The following TBC1D4 variants were observed in gnomAD, a reference collection of about 807,000 sequenced individuals.
TBC1D4 encodes the protein TBC1 domain family member 4, also known as TBC (Tre-2, BUB2, CDC16) domain-containing protein.
TBC1D4 carries 121 observed loss-of-function variants against 142.5 expected under a neutral mutation model. That is an observed-to-expected ratio of 0.85 (90% CI 0.73 to 0.99). The LOEUF is 0.99. TBC1D4 is among the 50% of genes least tolerant of loss of function. The probability of loss-of-function intolerance (pLI) is 0.00; values close to 1 mark genes in which losing one functional copy is unlikely to be tolerated. For missense variants in TBC1D4, 1,475 were observed against 1,606.6 expected, an observed-to-expected ratio of 0.92 and a Z score of 1.40; for synonymous variants, 630 against 628.2, an observed-to-expected ratio of 1.00 and a Z score of -0.04.
At chr13:75,375,644 T>C (rs1883454852) in intron 1 of TBC1D4, 1 of 152,156 alleles carries the variant, frequency 6.6e-6, no homozygotes, top group African/African-American at 2.4e-5. Context: ...CTATCTTGTT[T>C]CTCTGTCTTG....
In TBC1D4 at chr13:75,286,771, G is replaced by C. The variant is rs771612958; in HGVS notation, c.*21C>G. The C allele has an allele frequency of 2.5e-6, 4 of 1,608,778 alleles. No homozygotes were observed. Among genetic ancestry groups the C allele is most frequent in the Non-Finnish European group, 3.4e-6 (4 of 1,176,500 alleles). ...TGTAGTATTCTAAGGAGCACTTTCT[G>C]CTGAGGCCGTGCCTCTTCAATTATG... is the stretch of plus-strand genomic sequence containing the variant. On this transcript the variant is annotated 3_prime_UTR_variant, in exon 21 of 21. Transcript: ENST00000377636.
At chr13:75,454,711 T>C (rs1031861412) in intron 1 of TBC1D4, among the ~76,000 whole-genome samples, 3 of 152,222 alleles carry the variant, frequency 2.0e-5, no homozygotes, top group African/African-American at 7.2e-5. Context: ...GATTTTGGCA[T>C]GTTAGTACAG....
At chr13:75,431,089 G>A (rs1156875404) in intron 1 of TBC1D4, among the ~76,000 whole-genome samples, 1 of 152,132 alleles carries the variant, frequency 6.6e-6, no homozygotes, top group Non-Finnish European at 1.5e-5. Context: ...AGGGAAATGA[G>A]GCATCAATGG....
intron 17 of TBC1D4, among the ~76,000 whole-genome samples, chr13:75,295,429 ATTTC>A (rs1326036888): frequency 6.6e-6 from 1 of 152,176 alleles, no homozygotes; most frequent in African/African-American, 2.4e-5. Context: ...GCAGAAGCTT[ATTTC>A]TATTTACTGA....
At chr13:75,466,026 A>G (rs1253480025) in intron 1 of TBC1D4, among the ~76,000 whole-genome samples, 1 of 152,198 alleles carries the variant, frequency 6.6e-6, no homozygotes, top group Non-Finnish European at 1.5e-5. Flanking sequence ...ATGTCTCCCT[A>G]AAACCAAGTT....
chr13:75,381,473 T>C (rs1883843557), intron 1 of TBC1D4, among the ~76,000 whole-genome samples: 1 of 152,254 alleles, frequency 6.6e-6, no homozygotes, highest in Non-Finnish European at 1.5e-5. Context: ...ATTTCTTGTG[T>C]ATGCTTAAAA....
intron 14 of TBC1D4, among the ~76,000 whole-genome samples, chr13:75,309,203 T>C (rs1374921784): frequency 6.6e-6 from 1 of 152,152 alleles, no homozygotes; most frequent in Middle Eastern, 3.2e-3. Flanking sequence ...TTGGATTTCT[T>C]AGCATCTCCT....
At chr13:75,399,956 G>A (rs1884999977) in intron 1 of TBC1D4, among the ~76,000 whole-genome samples, 1 of 152,044 alleles carries the variant, frequency 6.6e-6, no homozygotes, top group Non-Finnish European at 1.5e-5. Flanking sequence ...ACCAAAAGGA[G>A]AGCCATTCCC....
intron 3 of TBC1D4, among the ~76,000 whole-genome samples, chr13:75,357,674 C>G (rs188301205): frequency 6.6e-6 from 1 of 152,110 alleles, no homozygotes; most frequent in African/African-American, 2.4e-5. Context: ...GCAAACAGTC[C>G]GACAGATTTT....
At chr13:75,371,977 T>G (rs1054970341) in intron 1 of TBC1D4, among the ~76,000 whole-genome samples, 2 of 152,212 alleles carry the variant, frequency 1.3e-5, no homozygotes, top group East Asian at 3.8e-4. Context: ...TCCTTAGATA[T>G]GGATATTTCT....
intron 13 of TBC1D4, among the ~76,000 whole-genome samples, chr13:75,310,452 C>T (rs577052644): frequency 1.3e-5 from 2 of 152,234 alleles, no homozygotes; most frequent in East Asian, 1.9e-4. Context: ...TCCAACACTT[C>T]TGCAATTTAC....
chr13:75,340,075 T>C (rs1333010617), intron 7 of TBC1D4, among the ~76,000 whole-genome samples: 1 of 152,250 alleles, frequency 6.6e-6, no homozygotes, highest in Admixed American at 6.5e-5. Context: ...TCTATTGATC[T>C]GTTTGCATTC....
intron 19 of TBC1D4, among the ~76,000 whole-genome samples, chr13:75,289,764 C>G (rs1875084110): frequency 6.6e-6 from 1 of 152,112 alleles, no homozygotes; most frequent in Non-Finnish European, 1.5e-5. Context: ...TACTGCTCTC[C>G]CATGTCACCA....
At chr13:75,361,830 CT>C (rs1252151262) in intron 2 of TBC1D4, among the ~76,000 whole-genome samples, 195 bp downstream of exon 2, 1 of 152,164 alleles carries the variant, frequency 6.6e-6, no homozygotes, top group Non-Finnish European at 1.5e-5. Context: ...ATACTCCACA[CT>C]CCACGTCTGC....
chr13:75,424,849 T>C (rs1799255609), intron 1 of TBC1D4, among the ~76,000 whole-genome samples: 1 of 152,190 alleles, frequency 6.6e-6, no homozygotes, highest in African/African-American at 2.4e-5. Flanking sequence ...TCGCACCATA[T>C]ACAGAAATCA....
At chr13:75,324,518 C>T in intron 10 of TBC1D4, 117 bp from the exon 11 acceptor site, 2 of 1,233,642 alleles carry the variant, frequency 1.6e-6, no homozygotes, top group East Asian at 2.6e-5. Context: ...CCTTTCAAGG[C>T]TCAGGGCTGG....
At chr13:75,356,927 C>A (rs1029923538) in intron 3 of TBC1D4, among the ~76,000 whole-genome samples, 2 of 152,028 alleles carry the variant, frequency 1.3e-5, no homozygotes, top group African/African-American at 4.8e-5. Context: ...GTAGACAACA[C>A]CTTAATAGCA....
At chr13:75,303,253 G>GT (rs537425394) in intron 15 of TBC1D4, among the ~76,000 whole-genome samples, 19 of 152,140 alleles carry the variant, frequency 1.2e-4, no homozygotes, top group African/African-American at 4.1e-4. Context: ...GGGGACACAG[G>GT]TTGCAGTGAG....
intron 1 of TBC1D4, among the ~76,000 whole-genome samples, chr13:75,414,364 C>T (rs995920332): frequency 1.3e-5 from 2 of 152,214 alleles, no homozygotes; most frequent in African/African-American, 4.8e-5. Flanking sequence ...GAAAGGTGAA[C>T]TGCCTACAAA....
Sources: gnomAD v4.1 joint callset for allele counts (sites outside exome capture counted in the v4.1 genomes callset) on GRCh38, gnomAD v4.1.1 for gene constraint, MANE v1.5 for transcripts, NCBI Gene and HGNC (gene_info 2026-07-23, HGNC 2026-07-21) for gene names.